SLC31A1: variants seen among roughly 807,000 people sequenced by gnomAD.
The protein encoded by SLC31A1 is high affinity copper uptake protein 1.
Under a neutral mutation model 17.2 loss-of-function variants are expected in SLC31A1, and 5 were observed. That is an observed-to-expected ratio of 0.29 (90% CI 0.15 to 0.61). SLC31A1 has a LOEUF of 0.61. Among genes scored for constraint, SLC31A1 ranks in the 20% least tolerant of loss-of-function variants. The pLI is 0.86. For missense variants in SLC31A1, 161 were observed against 241.4 expected (o/e 0.67, Z 2.21); for synonymous variants, 76 against 78.8 (o/e 0.96, Z 0.19).
intron 1 of SLC31A1, among the ~76,000 whole-genome samples, chr9:113,248,322 AAAAC>A (rs1006091746): frequency 2.2e-4 from 34 of 152,202 alleles, no homozygotes; most frequent in Admixed American, 4.6e-4. Flanking sequence ...TCTGTCTCAA[AAAAC>A]AAACAAACAA....
intron 1 of SLC31A1, among the ~76,000 whole-genome samples, chr9:113,234,598 A>G (rs1831436403): frequency 1.3e-5 from 2 of 148,280 alleles, no homozygotes; most frequent in South Asian, 2.1e-4. Flanking sequence ...GTGGTTCTCA[A>G]GCTTTAGCAT....
At chr9:113,243,463 T>A (rs547196573) in intron 1 of SLC31A1, among the ~76,000 whole-genome samples, 110 of 152,334 alleles carry the variant, frequency 7.2e-4, no homozygotes, top group South Asian at 1.9e-3. Flanking sequence ...TTGCTGAGTT[T>A]GAACAGCTTG....
Position 113,258,967 on chromosome 9 carries a change from C to A in SLC31A1, c.371+105C>A. On this transcript the variant is annotated intron_variant, in intron 4 of 4. Coordinates refer to ENST00000374212, the MANE Select transcript of SLC31A1 (RefSeq NM_001859.4). The surrounding 1 kb of genome is among the most constrained non-coding windows in gnomAD (Gnocchi z 4.8). ...CAGCCCTCTTCTTGAGTTAGGAGTT[C>A]TGTATGACCTTGATCAAAACTGTCC... The A allele has an allele frequency of 8.4e-7, 1 of 1,189,360 alleles. No individual in the cohort carries two copies. The highest frequency in any genetic ancestry group is 1.2e-5 in the South Asian group (1 of 80,278). 73.7% of individuals were successfully genotyped at this position (1,189,360 alleles called of 1,614,324 possible).
At chr9:113,254,773 C>T (rs1831702108) in intron 1 of SLC31A1, among the ~76,000 whole-genome samples, 1 of 152,200 alleles carries the variant, frequency 6.6e-6, no homozygotes, top group South Asian at 2.1e-4. Context: ...GTAGCATGCA[C>T]CTGTAATCCC....
chr9:113,241,099 C>T (rs988867704), intron 1 of SLC31A1, among the ~76,000 whole-genome samples: 1 of 150,906 alleles, frequency 6.6e-6, no homozygotes, highest in African/African-American at 2.4e-5. Context: ...AGGTCAGTTT[C>T]AGTGGAACAT....
chr9:113,249,985 T>C (rs565157395), intron 1 of SLC31A1, among the ~76,000 whole-genome samples: 2,114 of 152,064 alleles, frequency 0.014, 19 homozygotes, highest in Middle Eastern at 0.041. Context: ...GAGATACCAT[T>C]TCACACCAGT....
In SLC31A1 at chr9:113,225,954, T is replaced by C. The variant is rs1831335649; in HGVS notation, c.-36+4276T>C. ...TTCGAGACCAGCCTGGCCAACATGGTGAAACCCCGTGTCTGCTGAAAATAC... is the reference window on the plus strand; with the variant it reads ...TTCGAGACCAGCCTGGCCAACATGGCGAAACCCCGTGTCTGCTGAAAATAC... On this transcript the variant is annotated intron_variant, in intron 1 of 4. Coordinates refer to ENST00000374212, the MANE Select transcript of SLC31A1 (RefSeq NM_001859.4). 4.6e-5 allele frequency among the ~76,000 whole-genome samples: 7 copies of C among 152,072 alleles called. No homozygotes were observed. The South Asian group carries it at 1.5e-3, about 32-fold the overall frequency.
rs1422127121 is a variant in SLC31A1 at position 113,262,649 on chromosome 9, T to C, written c.*2176T>C. The stretch of plus-strand genomic sequence containing the variant: ...TTTAGAGCTTTGTGCTTTTCTCTCA[T>C]TCCATCACTTTGTAATGATGATACT... On this transcript the variant is annotated 3_prime_UTR_variant, in exon 5 of 5. Transcript: ENST00000374212. 6.6e-6 allele frequency: 1 copy of C among 152,598 alleles called. No individual in the cohort carries two copies. The highest frequency in any genetic ancestry group is 1.5e-5 in the Non-Finnish European group (1 of 68,050). The allele number at this position is 152,598 out of a possible 1,614,324, so 9.5% of individuals were successfully genotyped here.
At chr9:113,248,578 C>T (rs1034685621) in intron 1 of SLC31A1, among the ~76,000 whole-genome samples, 13 of 141,246 alleles carry the variant, frequency 9.2e-5, no homozygotes, top group African/African-American at 3.4e-4. Context: ...AAGTGATTCT[C>T]TTGCCTCAGC....
chr9:113,229,560 A>G (rs1372373543), intron 1 of SLC31A1, among the ~76,000 whole-genome samples: 1 of 151,424 alleles, frequency 6.6e-6, no homozygotes, highest in Non-Finnish European at 1.5e-5. Flanking sequence ...ATGAACATTT[A>G]GGTTGTATTT....
At chr9:113,256,308 C>A in intron 2 of SLC31A1, 31 bp downstream of exon 2, 2 of 1,612,652 alleles carry the variant, frequency 1.2e-6, no homozygotes, top group Non-Finnish European at 1.7e-6. Flanking sequence ...AATGCAGGCC[C>A]TTTCCCACCC....
chr9:113,249,566 A>C (rs1031914699), intron 1 of SLC31A1, among the ~76,000 whole-genome samples: 1 of 152,022 alleles, frequency 6.6e-6, no homozygotes, highest in South Asian at 2.1e-4. Context: ...ATGTTTCACT[A>C]TGTTGGTTAG....
chr9:113,257,466 C>T (rs1424515928), intron 3 of SLC31A1, among the ~76,000 whole-genome samples: 1 of 148,922 alleles, frequency 6.7e-6, no homozygotes. Context: ...TCATTCTTTT[C>T]CAGAGTGTTT....
chr9:113,253,310 T>C lies in SLC31A1; in HGVS notation c.-35-2804T>C, dbSNP rs529943371. Among the ~76,000 whole-genome samples, 8 of 152,250 alleles carry C rather than the reference T, an allele frequency of 5.3e-5. No homozygotes were observed. The South Asian group carries it at 6.2e-4, about 12-fold the overall frequency. On this transcript the variant is annotated intron_variant, in intron 1 of 4. Transcript: ENST00000374212. ...GTTCAATATCATAATTTATGATCAC[T>C]CAGATGCCAGTGATCTCTCCATCCT...
chr9:113,230,723 C>G (rs1831393139), intron 1 of SLC31A1, among the ~76,000 whole-genome samples: 1 of 152,154 alleles, frequency 6.6e-6, no homozygotes, highest in Non-Finnish European at 1.5e-5. Flanking sequence ...AGAATTCTCT[C>G]TTCTAGATAT....
intron 4 of SLC31A1, 57 bp from the exon 5 acceptor site, chr9:113,260,215 C>T (rs1831775856): frequency 2.0e-6 from 3 of 1,485,570 alleles, no homozygotes; most frequent in East Asian, 4.5e-5. Context: ...CCCTCTTTCT[C>T]CTGATCTGCA....
At chr9:113,224,844 C>T (rs1039657017) in intron 1 of SLC31A1, among the ~76,000 whole-genome samples, 1 of 152,198 alleles carries the variant, frequency 6.6e-6, no homozygotes, top group Non-Finnish European at 1.5e-5. Flanking sequence ...AGCCAAATTG[C>T]TTTGCCACTT....
At chr9:113,248,746 TG>T (rs1564214405) in intron 1 of SLC31A1, among the ~76,000 whole-genome samples, 3 of 152,128 alleles carry the variant, frequency 2.0e-5, no homozygotes, top group Non-Finnish European at 4.4e-5. Flanking sequence ...CCCAAAGTGC[TG>T]GGATTATAGG....
At chr9:113,255,201 C>A (rs987937096) in intron 1 of SLC31A1, among the ~76,000 whole-genome samples, 2 of 152,158 alleles carry the variant, frequency 1.3e-5, no homozygotes, top group Non-Finnish European at 2.9e-5. Context: ...ATCCAAATAT[C>A]CTGATTAGGC....
Sources: gnomAD v4.1 joint callset for allele counts (sites outside exome capture counted in the v4.1 genomes callset) on GRCh38, gnomAD v4.1.1 for gene constraint, Gnocchi (gnomAD v3.1) non-coding constraint, MANE v1.5 for transcripts, NCBI Gene and HGNC (gene_info 2026-07-23, HGNC 2026-07-21) for gene names.